TBXAS1: variants seen among roughly 807,000 people sequenced by gnomAD.
The protein encoded by TBXAS1 is thromboxane A synthase 1.
In TBXAS1, 48 loss-of-function variants were observed where a neutral mutation model predicts 60.7. That is an observed-to-expected ratio of 0.79 (90% CI 0.63 to 1.01). TBXAS1 has a LOEUF of 1.01. TBXAS1 is among the 50% of genes least tolerant of loss of function. The pLI, the probability that TBXAS1 is intolerant of heterozygous loss-of-function variation, is 0.00. For synonymous variants in TBXAS1, 287 were observed against 269.7 expected (o/e 1.06, Z -0.63); for missense variants, 685 against 686.3 (o/e 1.00, Z 0.02).
chr7:139,825,980 C>A (rs537876705), upstream of TBXAS1, among the ~76,000 whole-genome samples: 86 of 152,314 alleles, frequency 5.6e-4, no homozygotes, highest in African/African-American at 2.0e-3. Flanking sequence ...AATGCTTATA[C>A]CAGCAATTCT....
chr7:139,977,514 C>T (rs540236929), intron 9 of TBXAS1, among the ~76,000 whole-genome samples: 1 of 152,076 alleles, frequency 6.6e-6, no homozygotes, highest in Non-Finnish European at 1.5e-5. Flanking sequence ...AGGACACAGC[C>T]AAACCATATC....
intron 3 of TBXAS1, among the ~76,000 whole-genome samples, chr7:139,884,087 T>C (rs1270557570): frequency 6.6e-6 from 1 of 152,204 alleles, no homozygotes; most frequent in Non-Finnish European, 1.5e-5. Context: ...CCATTGTGTT[T>C]GCCTCTTTGT....
At chr7:139,913,243 C>G in intron 4 of TBXAS1, 1 of 666,568 alleles carries the variant, frequency 1.5e-6, no homozygotes, top group Non-Finnish European at 2.8e-6. Context: ...GCTATCTCCT[C>G]GCTCAAAGTC....
chr7:139,780,093 C>T (rs1016042020), intron 1 of TBXAS1, among the ~76,000 whole-genome samples: 1 of 152,204 alleles, frequency 6.6e-6, no homozygotes, highest in Admixed American at 6.5e-5. Context: ...AATGCTTAAC[C>T]TCTCTGAGCC....
chr7:139,957,563 G>A (rs1037704971), intron 7 of TBXAS1, 71 bp from the exon 8 acceptor site: 63 of 1,609,066 alleles, frequency 3.9e-5, no homozygotes, highest in Non-Finnish European at 4.9e-5. Flanking sequence ...TGCTTCCCGG[G>A]AACAGGCGTC....
chr7:139,809,233 T>TA (rs1554466810), intron 4 of TBXAS1, among the ~76,000 whole-genome samples: 29,477 of 129,192 alleles, frequency 0.23, 3,772 homozygotes, highest in Non-Finnish European at 0.25. Flanking sequence ...GATAGATAGA[T>TA]GATAGATAGA....
chr7:139,870,157 T>A (rs1401091351), intron 1 of TBXAS1, among the ~76,000 whole-genome samples: 1 of 152,232 alleles, frequency 6.6e-6, no homozygotes, highest in East Asian at 1.9e-4. Context: ...ACTCTGCTGA[T>A]GCCATGTGTT....
At position 140,013,084 on chromosome 7, in the gene TBXAS1, CA is replaced by C. The variant is rs10591254; in HGVS notation, c.1227-2622del. ...TGGGCAACAGAGCGAGACTCCATCT[CA>C]AAAAAAAAAAAAAAAAGAAATTGGG... On this transcript the variant is annotated intron_variant, in intron 10 of 12. Coordinates refer to ENST00000448866, the MANE Select transcript of TBXAS1 (RefSeq NM_001061.7). This position sits in a 1 kb window ranked among gnomAD's most constrained non-coding sequence, Gnocchi z 4.2. Among the ~76,000 whole-genome samples, 19,455 of 114,330 alleles carry C rather than the reference CA, an allele frequency of 0.17. 1,471 individuals are homozygous for C. Among genetic ancestry groups the C allele is most frequent in the African/African-American group, 0.28 (9,639 of 34,414 alleles). The allele number at this position is 114,330 out of a possible 152,430, so 75.0% of individuals were successfully genotyped here. A position where few individuals can be genotyped will look rare whatever the true frequency, so the allele number is the denominator to read the frequency against.
chr7:139,981,121 T>A (rs2117509482), intron 9 of TBXAS1, among the ~76,000 whole-genome samples: 1 of 152,250 alleles, frequency 6.6e-6, no homozygotes, highest in Non-Finnish European at 1.5e-5. Flanking sequence ...GTTATTGTTA[T>A]TTTTGAGACA....
intron 3 of TBXAS1, among the ~76,000 whole-genome samples, chr7:139,905,024 TTTCTTTC>T (rs1242057294): frequency 3.7e-5 from 3 of 80,636 alleles, no homozygotes; most frequent in African/African-American, 2.0e-4. Context: ...TCTTTCTTTC[TTTCTTTC>T]TTTCTTTCTT....
intron 1 of TBXAS1, among the ~76,000 whole-genome samples, chr7:139,862,955 G>A (rs1168925161): frequency 1.3e-5 from 2 of 152,146 alleles, no homozygotes; most frequent in African/African-American, 2.4e-5. Flanking sequence ...AGTGAATAAC[G>A]GCACTTGTCT....
At chr7:139,998,907 C>T (rs191842858) in intron 9 of TBXAS1, among the ~76,000 whole-genome samples, 3 of 152,338 alleles carry the variant, frequency 2.0e-5, no homozygotes, top group Non-Finnish European at 4.4e-5. Context: ...TTTTATGAGA[C>T]GGGTTCTGTC....
At chr7:139,945,868 T>C (rs973886672) in intron 5 of TBXAS1, among the ~76,000 whole-genome samples, 1 of 152,140 alleles carries the variant, frequency 6.6e-6, no homozygotes, top group Non-Finnish European at 1.5e-5. Context: ...TGATCTGTGG[T>C]CTCATCTGAA....
chr7:139,984,728 AAG>A (rs1193801245), intron 9 of TBXAS1, among the ~76,000 whole-genome samples: 2 of 148,298 alleles, frequency 1.3e-5, no homozygotes, highest in East Asian at 4.0e-4. Context: ...AAGGAAAAGA[AAG>A]AAAGAAAGAA....
At chr7:139,817,589 G>A (rs150363440) in intron 4 of TBXAS1, among the ~76,000 whole-genome samples, 4 of 152,346 alleles carry the variant, frequency 2.6e-5, no homozygotes, top group East Asian at 1.9e-4. Context: ...TCCAGAGGAC[G>A]CAGCTTTAGT....
At chr7:139,926,724 A>C (rs554669815) in intron 4 of TBXAS1, among the ~76,000 whole-genome samples, 40 of 149,788 alleles carry the variant, frequency 2.7e-4, no homozygotes, top group African/African-American at 9.6e-4. Context: ...TAGGTTGTTT[A>C]TTTGAATTTT....
At chr7:139,850,889 C>T (rs934995376) in intron 1 of TBXAS1, among the ~76,000 whole-genome samples, 1 of 152,150 alleles carries the variant, frequency 6.6e-6, no homozygotes, top group Non-Finnish European at 1.5e-5. Context: ...GAGCTCCCTT[C>T]GTGTCTTCAG....
chr7:139,962,427 C>G (rs1810446354), intron 9 of TBXAS1, 194 bp downstream of exon 9: 1 of 654,590 alleles, frequency 1.5e-6, no homozygotes, highest in Non-Finnish European at 2.6e-6. Context: ...ACAATAACCA[C>G]AACAAAAAGA....
At chr7:140,002,882 G>A (rs1813771049) in intron 9 of TBXAS1, among the ~76,000 whole-genome samples, 1 of 152,054 alleles carries the variant, frequency 6.6e-6, no homozygotes, top group Non-Finnish European at 1.5e-5. Flanking sequence ...CCAGCACTTT[G>A]GGAGGCCGAG....
Sources: gnomAD v4.1 joint callset for allele counts (sites outside exome capture counted in the v4.1 genomes callset) on GRCh38, gnomAD v4.1.1 for gene constraint, Gnocchi (gnomAD v3.1) non-coding constraint, MANE v1.5 for transcripts, NCBI Gene and HGNC (gene_info 2026-07-23, HGNC 2026-07-21) for gene names.